Variants in MALRD1 observed in about 807,000 individuals in gnomAD.
MALRD1 encodes MAM and LDL receptor class A domain containing 1.
A neutral mutation model predicts 242.1 loss-of-function variants in MALRD1; 247 were observed. The observed-to-expected ratio is 1.02, with a 90% CI of 0.92 to 1.13. The LOEUF (loss-of-function observed/expected upper bound fraction) is 1.13. Ranked by LOEUF, MALRD1 falls within the 50% of genes most tolerant of loss-of-function variation. The pLI, the probability that MALRD1 is intolerant of heterozygous loss-of-function variation, is 0.00. For missense variants in MALRD1, 2,989 were observed against 2,533.1 expected (o/e 1.18, Z -3.86); for synonymous variants, 995 against 866.6 (o/e 1.15, Z -2.60).
chr10:19,681,550 G>A (rs999474996), intron 36 of MALRD1, among the ~76,000 whole-genome samples: 7 of 151,974 alleles, frequency 4.6e-5, no homozygotes, highest in South Asian at 2.1e-4. Context: ...TCTGGTTAAC[G>A]CCTCCTGTAA....
intron 36 of MALRD1, among the ~76,000 whole-genome samples, chr10:19,681,544 G>T (rs763803215): frequency 7.9e-5 from 12 of 151,966 alleles, no homozygotes; most frequent in Non-Finnish European, 1.5e-4. Flanking sequence ...GGTTATTCTG[G>T]TTAACGCCTC....
chr10:19,620,448 C>T (rs1033546165), intron 36 of MALRD1, among the ~76,000 whole-genome samples: 5 of 152,000 alleles, frequency 3.3e-5, no homozygotes, highest in African/African-American at 9.7e-5. Flanking sequence ...TGAAAGATGA[C>T]GCATATTCAG....
chr10:19,320,218 C>A (rs1226740546), intron 21 of MALRD1, among the ~76,000 whole-genome samples: 1 of 151,812 alleles, frequency 6.6e-6, no homozygotes, highest in African/African-American at 2.4e-5. Flanking sequence ...CTCTCCCTCC[C>A]CTTACCCCTA....
intron 24 of MALRD1, among the ~76,000 whole-genome samples, chr10:19,345,577 A>C (rs1055022625): frequency 2.0e-5 from 3 of 152,154 alleles, no homozygotes; most frequent in African/African-American, 7.2e-5. Context: ...AAATTACAAA[A>C]TACATTTCAA....
At chr10:19,428,582 C>A (rs1359259025) in intron 28 of MALRD1, among the ~76,000 whole-genome samples, 1 of 151,836 alleles carries the variant, frequency 6.6e-6, no homozygotes, top group East Asian at 1.9e-4. Flanking sequence ...CTCCAAAATC[C>A]TTCACATATA....
intron 38 of MALRD1, among the ~76,000 whole-genome samples, chr10:19,723,354 A>C (rs1834860465): frequency 6.6e-6 from 1 of 152,268 alleles, no homozygotes; most frequent in African/African-American, 2.4e-5. Context: ...AAGTTTTATA[A>C]CACAATCCAC....
At chr10:19,478,364 T>C (rs1344207861) in intron 29 of MALRD1, among the ~76,000 whole-genome samples, 5 of 152,182 alleles carry the variant, frequency 3.3e-5, no homozygotes, top group Non-Finnish European at 2.9e-5. Context: ...TGTAAAAATT[T>C]CATTTTACAC....
At chr10:19,174,868 A>C (rs1164455096) in intron 13 of MALRD1, among the ~76,000 whole-genome samples, 1 of 152,162 alleles carries the variant, frequency 6.6e-6, no homozygotes, top group Non-Finnish European at 1.5e-5. Context: ...TATCTCAGTT[A>C]AATTGAGTTG....
chr10:19,104,170 G>A (rs1836381617), intron 5 of MALRD1, 95 bp downstream of exon 5: 2 of 665,800 alleles, frequency 3.0e-6, no homozygotes, highest in Admixed American at 4.4e-5. Context: ...GTTTATTTTT[G>A]TCTGATGTTT....
chr10:19,255,539 G>A (rs1233982910), intron 18 of MALRD1, among the ~76,000 whole-genome samples: 1 of 151,872 alleles, frequency 6.6e-6, no homozygotes, highest in African/African-American at 2.4e-5. Flanking sequence ...TTGCTGAAGT[G>A]TGATTATTAT....
chr10:19,107,063 G>C (rs1214708776), intron 5 of MALRD1, among the ~76,000 whole-genome samples: 1 of 151,926 alleles, frequency 6.6e-6, no homozygotes, highest in African/African-American at 2.4e-5. Context: ...ATATATCCTG[G>C]AGAAAATTCC....
intron 36 of MALRD1, among the ~76,000 whole-genome samples, chr10:19,644,240 G>A (rs1299358429): frequency 2.6e-5 from 4 of 152,146 alleles, no homozygotes; most frequent in African/African-American, 9.7e-5. Context: ...AAGATTCAAA[G>A]GCAATGCTTT....
At position 19,088,186 on chromosome 10, in the gene MALRD1, G is replaced by T. The variant is rs1198779723; in HGVS notation, c.597+1G>T. 4.9e-6 allele frequency: 6 copies of T among 1,232,982 alleles called. No homozygotes were observed. The highest frequency in any genetic ancestry group is 6.1e-6 in the Non-Finnish European group (6 of 987,576). The allele number at this position is 1,232,982 out of a possible 1,614,324, so 76.4% of individuals were successfully genotyped here. A position where few individuals can be genotyped will look rare whatever the true frequency, so the allele number is the denominator to read the frequency against. ...AATCCAGAGTTCACAGAGATTTCAGGTATGTGTGTTCTATTTTCTAACTAT... is the reference window on the plus strand; with the variant it reads ...AATCCAGAGTTCACAGAGATTTCAGTTATGTGTGTTCTATTTTCTAACTAT... On this transcript the variant is annotated splice_donor_variant, in intron 4 of 39. Transcript: ENST00000454679. LOFTEE classifies it high-confidence loss of function.
intron 11 of MALRD1, among the ~76,000 whole-genome samples, chr10:19,149,077 C>CTATCT (rs1554798064): frequency 1.7e-3 from 246 of 144,032 alleles, no homozygotes; most frequent in African/African-American, 5.6e-3. Context: ...TCTATCTGTC[C>CTATCT]ATCTATCTAT....
At chr10:19,628,249 G>A (rs532462527) in intron 36 of MALRD1, among the ~76,000 whole-genome samples, 2 of 152,080 alleles carry the variant, frequency 1.3e-5, no homozygotes, top group Non-Finnish European at 2.9e-5. Context: ...AAAATAAAGT[G>A]GCAATATTCA....
chr10:19,395,304 A>G (rs1327590623), intron 28 of MALRD1, among the ~76,000 whole-genome samples: 1 of 152,164 alleles, frequency 6.6e-6, no homozygotes, highest in Non-Finnish European at 1.5e-5. Context: ...TGGTCCGAGC[A>G]CAGCTTGGTT....
intron 29 of MALRD1, among the ~76,000 whole-genome samples, chr10:19,469,559 A>C (rs1023891280): frequency 1.3e-5 from 2 of 152,150 alleles, no homozygotes; most frequent in African/African-American, 4.8e-5. Flanking sequence ...TCATGGATGA[A>C]TATTCCTAAA....
intron 26 of MALRD1, among the ~76,000 whole-genome samples, chr10:19,386,416 G>GA (rs10654913): frequency 0.65 from 95,607 of 148,032 alleles, 31,070 homozygotes; most frequent in African/African-American, 0.77. Flanking sequence ...GAGAAGACAA[G>GA]AAAAAAAAAA....
intron 21 of MALRD1, chr10:19,290,397 G>A (rs1032905589): frequency 2.0e-5 from 3 of 152,186 alleles, no homozygotes; most frequent in Non-Finnish European, 2.9e-5. Context: ...GCTCAGCAGG[G>A]CTCAACTGAG....
Sources: allele counts gnomAD v4.1 joint callset (sites outside exome capture counted in the v4.1 genomes callset), GRCh38; gene constraint gnomAD v4.1.1; transcripts MANE v1.5; gene names NCBI Gene and HGNC (gene_info 2026-07-23, HGNC 2026-07-21).